ATP8A1: variants seen among roughly 807,000 people sequenced by gnomAD.
ATP8A1 encodes ATPase phospholipid transporting 8A1.
A neutral mutation model predicts 177.7 loss-of-function variants in ATP8A1; 90 were observed. The observed-to-expected ratio is 0.51, with a 90% CI of 0.43 to 0.60. The LOEUF is 0.60. Among genes scored for constraint, ATP8A1 ranks in the 20% least tolerant of loss-of-function variants. The pLI, the probability that ATP8A1 is intolerant of heterozygous loss-of-function variation, is 0.00. For missense variants in ATP8A1, 1,072 were observed against 1,392.8 expected (o/e 0.77, Z 3.67); for synonymous variants, 493 against 485.9 (o/e 1.01, Z -0.19).
intron 6 of ATP8A1, among the ~76,000 whole-genome samples, chr4:42,596,728 C>T (rs1448780187): frequency 1.3e-5 from 2 of 150,302 alleles, no homozygotes; most frequent in African/African-American, 4.9e-5. Context: ...GCTTCATGCA[C>T]AAAAGTGGCT....
At chr4:42,637,931 C>CA (rs1739558324) in intron 1 of ATP8A1, among the ~76,000 whole-genome samples, 1 of 152,184 alleles carries the variant, frequency 6.6e-6, no homozygotes, top group Non-Finnish European at 1.5e-5. Flanking sequence ...ATACATCTGA[C>CA]ACTAATCTTT....
chr4:42,601,465 G>A (rs1735268197), intron 5 of ATP8A1, among the ~76,000 whole-genome samples: 1 of 151,748 alleles, frequency 6.6e-6, no homozygotes, highest in African/African-American at 2.4e-5. Flanking sequence ...CATCAGTAGG[G>A]TTATCCAGTA....
Position 42,639,816 on chromosome 4 carries a change from C to A in ATP8A1, c.50-12707G>T, listed in dbSNP as rs201669889. Among the ~76,000 whole-genome samples the A allele has an allele frequency of 2.0e-4, 31 of 152,276 alleles. No homozygotes were observed. The East Asian group carries it at 5.0e-3, about 25-fold the overall frequency. ...GGGGGATTGGTTCCAAGACCCCTTA[C>A]CAAATCTGCAGATGCTCAATTACCT... On this transcript the variant is annotated intron_variant, in intron 1 of 36. Coordinates refer to ENST00000381668, the MANE Select transcript of ATP8A1 (RefSeq NM_006095.2).
intron 20 of ATP8A1, among the ~76,000 whole-genome samples, chr4:42,527,929 T>C (rs1045356912): frequency 6.6e-6 from 1 of 152,058 alleles, no homozygotes; most frequent in African/African-American, 2.4e-5. Context: ...CCTTCTCCCA[T>C]CCTTCCCCAG....
chr4:42,580,913 TA>T, intron 10 of ATP8A1, among the ~76,000 whole-genome samples: 1 of 152,320 alleles, frequency 6.6e-6, no homozygotes, highest in East Asian at 1.9e-4. Context: ...TTCAAATTTC[TA>T]AAAAATTTTA....
intron 19 of ATP8A1, among the ~76,000 whole-genome samples, chr4:42,545,850 T>G (rs1728856333): frequency 6.6e-6 from 1 of 152,136 alleles, no homozygotes; most frequent in African/African-American, 2.4e-5. Flanking sequence ...GATGTGCACC[T>G]GCAATCCCAG....
chr4:42,494,526 T>C (rs950701862), intron 24 of ATP8A1, among the ~76,000 whole-genome samples: 1 of 152,232 alleles, frequency 6.6e-6, no homozygotes, highest in African/African-American at 2.4e-5. Context: ...AATGGCAATT[T>C]TATTTCAATT....
intron 23 of ATP8A1, among the ~76,000 whole-genome samples, chr4:42,505,156 G>A (rs1052178631): frequency 1.3e-5 from 2 of 152,110 alleles, no homozygotes; most frequent in Non-Finnish European, 2.9e-5. Context: ...TAGTATCTGA[G>A]CTCCACAAGG....
chr4:42,495,010 T>G (rs1723120167), intron 24 of ATP8A1, among the ~76,000 whole-genome samples: 1 of 152,210 alleles, frequency 6.6e-6, no homozygotes, highest in Admixed American at 6.5e-5. Context: ...CCTTTTAAAA[T>G]CTACTATAAA....
chr4:42,452,604 G>GACTACTTT (rs1325632632), intron 29 of ATP8A1, among the ~76,000 whole-genome samples: 1 of 152,154 alleles, frequency 6.6e-6, no homozygotes, highest in Non-Finnish European at 1.5e-5. Context: ...CTGTGACTAT[G>GACTACTTT]ACTTTACTAA....
intron 20 of ATP8A1, among the ~76,000 whole-genome samples, chr4:42,535,561 C>T (rs1486329023): frequency 1.3e-5 from 2 of 152,094 alleles, no homozygotes; most frequent in Admixed American, 6.5e-5. Context: ...GTCATCAAGA[C>T]AGAAAGTCAA....
intron 31 of ATP8A1, 44 bp from the exon 32 acceptor site, chr4:42,444,678 A>G: frequency 6.4e-7 from 1 of 1,559,696 alleles, no homozygotes; most frequent in East Asian, 2.2e-5. Flanking sequence ...ATAAACATGA[A>G]AGTTCATCAA....
At chr4:42,472,759 A>T (rs1385727732) in intron 25 of ATP8A1, among the ~76,000 whole-genome samples, 1 of 145,796 alleles carries the variant, frequency 6.9e-6, no homozygotes, top group Non-Finnish European at 1.5e-5. Context: ...AAAAAAAAAA[A>T]AAAAAGAGAG....
chr4:42,483,377 G>GA (rs35565389), intron 25 of ATP8A1, among the ~76,000 whole-genome samples: 94,493 of 134,226 alleles, frequency 0.7, 32,645 homozygotes, highest in Middle Eastern at 0.76. Flanking sequence ...TGTGACTTAA[G>GA]AAAAAAAAAA....
At position 42,409,466 on chromosome 4, in the gene ATP8A1, C is replaced by T. The variant is rs993267836; in HGVS notation, c.*3450G>A. The T allele has an allele frequency of 3.9e-5, 6 of 152,092 alleles. No homozygotes were observed. The highest frequency in any genetic ancestry group is 1.4e-4 in the African/African-American group (6 of 41,440). The allele number at this position is 152,092 out of a possible 1,614,324, so 9.4% of individuals were successfully genotyped here. Reference sequence around the variant, plus strand: ...TCATCATTAAAAAGCATTTATTAGGCACTGAACTGCATGATGTTACCTTAA... The same window carrying T: ...TCATCATTAAAAAGCATTTATTAGGTACTGAACTGCATGATGTTACCTTAA... On this transcript the variant is annotated 3_prime_UTR_variant, in exon 37 of 37. Transcript: ENST00000381668.
At chr4:42,622,300 T>G (rs1737552127) in intron 4 of ATP8A1, among the ~76,000 whole-genome samples, 1 of 151,806 alleles carries the variant, frequency 6.6e-6, no homozygotes, top group African/African-American at 2.4e-5. Flanking sequence ...GAGAATCGCT[T>G]GAACCCAGGA....
rs757783790 is a variant in ATP8A1 at position 42,586,446 on chromosome 4, C to T, written c.625G>A (p.Val209Ile). ...GLPATSDIKD[V>I]DSLMRISGRI... ...CCAGAAATCCTCATCAAACTGTCAA[C>T]GTCTTTGATATCTGATGTTGCTGGT... is the stretch of plus-strand genomic sequence containing the variant. The change falls in exon 9 of 37, where the codon GTT becomes ATT. Residue 209 changes from valine (V) to isoleucine (I), a missense_variant. This residue lies in a region of ATP8A1 where 344 missense variants were observed against 393.5 expected (regional missense o/e 0.87). Coordinates refer to ENST00000381668, the MANE Select transcript of ATP8A1 (RefSeq NM_006095.2). The T allele has an allele frequency of 2.9e-5, 46 of 1,613,944 alleles. No homozygotes were observed. In the South Asian group the frequency reaches 3.3e-4, roughly 12 times the overall value.
intron 9 of ATP8A1, 40 bp downstream of exon 9, chr4:42,586,309 C>T: frequency 6.2e-7 from 1 of 1,607,630 alleles, no homozygotes; most frequent in East Asian, 2.2e-5. Context: ...CTCTATGACA[C>T]AGTGGATTCT....
intron 14 of ATP8A1, 133 bp downstream of exon 14, chr4:42,574,486 A>G (rs1029847464): frequency 2.9e-5 from 20 of 698,998 alleles, no homozygotes; most frequent in Admixed American, 1.0e-4. Context: ...TCCTAAAATT[A>G]TAACAGCTGC....
Sources: gnomAD v4.1 joint callset for allele counts (sites outside exome capture counted in the v4.1 genomes callset) on GRCh38, gnomAD v4.1.1 for gene constraint, gnomAD v4.1.1 regional missense constraint, MANE v1.5 for transcripts, NCBI Gene and HGNC (gene_info 2026-07-23, HGNC 2026-07-21) for gene names.